RBFOX3: variants seen among roughly 807,000 people sequenced by gnomAD.
RBFOX3 encodes RNA binding protein fox-1 homolog 3.
A neutral mutation model predicts 48.7 loss-of-function variants in RBFOX3; 17 were observed. The ratio of observed to expected loss-of-function variants is 0.35; its 90% CI spans 0.24 to 0.52. The LOEUF (loss-of-function observed/expected upper bound fraction) is 0.52. Ranked by LOEUF, RBFOX3 falls within the 20% of genes least tolerant of loss-of-function variation. The probability of loss-of-function intolerance (pLI) is 0.94; values close to 1 mark genes in which losing one functional copy is unlikely to be tolerated. For synonymous variants in RBFOX3, 212 were observed against 209.5 expected, an observed-to-expected ratio of 1.01 and a Z score of -0.10; for missense variants, 382 against 497.5, an observed-to-expected ratio of 0.77 and a Z score of 2.21.
At chr17:79,228,196 TC>T (rs2087293806) in intron 4 of RBFOX3, among the ~76,000 whole-genome samples, 2 of 152,154 alleles carry the variant, frequency 1.3e-5, no homozygotes. Flanking sequence ...TCGCCTCTCC[TC>T]CCTGGCGCTA....
At chr17:79,300,232 A>T (rs1384449839) in intron 3 of RBFOX3, among the ~76,000 whole-genome samples, 2 of 152,134 alleles carry the variant, frequency 1.3e-5, no homozygotes, top group Non-Finnish European at 2.9e-5. Context: ...TTGGACTTCC[A>T]GCCTCCGGAG....
Position 79,249,552 on chromosome 17 carries a change from G to C in RBFOX3, c.-73-13747C>G, listed in dbSNP as rs541282929. On this transcript the variant is annotated intron_variant, in intron 3 of 14. Coordinates refer to ENST00000693108, the MANE Select transcript of RBFOX3 (RefSeq NM_001350451.2). The surrounding 1 kb of genome is among the most constrained non-coding windows in gnomAD (Gnocchi z 4.1). ...CACCCCAAGCCCCTGCCTCTATCGG[G>C]GTCCCATGCTCCCGGAGACTGTTTA... Among the ~76,000 whole-genome samples, 1 of 151,922 alleles carries C rather than the reference G, an allele frequency of 6.6e-6. No homozygotes were observed. Among genetic ancestry groups the C allele is most frequent in the African/African-American group, 2.4e-5 (1 of 41,346 alleles).
At chr17:79,603,639 C>T (rs1206962281) in intron 1 of RBFOX3, 20 of 152,250 alleles carry the variant, frequency 1.3e-4, no homozygotes, top group African/African-American at 4.6e-4. Context: ...ATTAAAGCAG[C>T]CTCATAATTA....
chr17:79,221,516 C>T (rs548069947), intron 4 of RBFOX3, among the ~76,000 whole-genome samples: 131 of 152,338 alleles, frequency 8.6e-4, no homozygotes, highest in African/African-American at 3.1e-3. Flanking sequence ...CATTGGTGGC[C>T]TCAAGGGCCA....
intron 2 of RBFOX3, among the ~76,000 whole-genome samples, chr17:79,437,193 G>C (rs376199268): frequency 6.6e-6 from 1 of 152,092 alleles, no homozygotes; most frequent in Non-Finnish European, 1.5e-5. Context: ...CCCCCCAGGA[G>C]CCCCCCTGGG....
At position 79,249,290 on chromosome 17, in the gene RBFOX3, G is replaced by A. The variant is rs185721763; in HGVS notation, c.-73-13485C>T. ...ATTCTGGCTAGTGAGATGCTGAGCT[G>A]TGAACAAAGTCAGAGTCCACTCATA... On this transcript the variant is annotated intron_variant, in intron 3 of 14. Coordinates refer to ENST00000693108, the MANE Select transcript of RBFOX3 (RefSeq NM_001350451.2). This position sits in a 1 kb window ranked among gnomAD's most constrained non-coding sequence, Gnocchi z 4.1. Among the ~76,000 whole-genome samples, 44 of 152,274 alleles carry A rather than the reference G, an allele frequency of 2.9e-4. No individual in the cohort carries two copies. The highest frequency in any genetic ancestry group is 5.3e-4 in the Non-Finnish European group (36 of 68,018).
At chr17:79,430,814 G>A (rs1240721403) in intron 2 of RBFOX3, among the ~76,000 whole-genome samples, 1 of 152,150 alleles carries the variant, frequency 6.6e-6, no homozygotes, top group Non-Finnish European at 1.5e-5. Context: ...CAAAGTGCTG[G>A]GATTACAGGC....
chr17:79,117,493 G>A (rs1180104819), intron 4 of RBFOX3, among the ~76,000 whole-genome samples: 2 of 152,208 alleles, frequency 1.3e-5, no homozygotes, highest in Non-Finnish European at 2.9e-5. Flanking sequence ...GGCAGAGGCT[G>A]GGGGCTGCCC....
chr17:79,155,815 G>A (rs1244204523), intron 4 of RBFOX3, among the ~76,000 whole-genome samples: 1 of 152,190 alleles, frequency 6.6e-6, no homozygotes, highest in Non-Finnish European at 1.5e-5. Flanking sequence ...CCAGGTTGGA[G>A]GCACCCCAGA....
rs141685033 is a variant in RBFOX3 at position 79,248,971 on chromosome 17, C to T, written c.-73-13166G>A. ...TGTGGGAGGGCCCCCGCCTGCCACT[C>T]GCCAAGCCCCCATTCTGAGCTGGGA... On this transcript the variant is annotated intron_variant, in intron 3 of 14. Coordinates refer to ENST00000693108, the MANE Select transcript of RBFOX3 (RefSeq NM_001350451.2). 3.7e-3 allele frequency among the ~76,000 whole-genome samples: 557 copies of T among 152,372 alleles called. 6 individuals carry two copies. The highest frequency in any genetic ancestry group is 0.013 in the African/African-American group (538 of 41,596).
chr17:79,612,952 C>T (rs1384484844), upstream of RBFOX3, among the ~76,000 whole-genome samples: 5 of 152,204 alleles, frequency 3.3e-5, no homozygotes, highest in African/African-American at 1.2e-4. Context: ...CTCTCTGGTC[C>T]AGACCCTACT....
intron 4 of RBFOX3, among the ~76,000 whole-genome samples, chr17:79,189,223 C>A (rs974296524): frequency 6.6e-6 from 1 of 152,212 alleles, no homozygotes. Flanking sequence ...ACCTGATCAT[C>A]ACAAGTTAGG....
intron 1 of RBFOX3, among the ~76,000 whole-genome samples, chr17:79,586,629 G>A (rs1301573321): frequency 2.6e-5 from 4 of 152,216 alleles, no homozygotes; most frequent in East Asian, 3.8e-4. Context: ...GGTAGGGCTT[G>A]TAATTGAGCT....
chr17:79,615,284 C>A (rs2093989490), upstream of RBFOX3, among the ~76,000 whole-genome samples: 1 of 151,930 alleles, frequency 6.6e-6, no homozygotes, highest in Admixed American at 6.6e-5. Context: ...GAGATCTCGA[C>A]AAAATTATTT....
rs1353467035 is a variant in RBFOX3, at chr17:79,423,045, G to A, written c.-175+59409C>T. Among the ~76,000 whole-genome samples the A allele has an allele frequency of 2.0e-5, 3 of 152,144 alleles. No individual in the cohort carries two copies. Among genetic ancestry groups the A allele is most frequent in the Non-Finnish European group, 4.4e-5 (3 of 68,020 alleles). ...CACGGGACAGGCCGGCCCCTGCGACGGGACTTCGGGTGCCCCGTGTGCCAC... is the reference window on the plus strand; with the variant it reads ...CACGGGACAGGCCGGCCCCTGCGACAGGACTTCGGGTGCCCCGTGTGCCAC... On this transcript the variant is annotated intron_variant, in intron 2 of 14. Coordinates refer to ENST00000693108, the MANE Select transcript of RBFOX3 (RefSeq NM_001350451.2). This position sits in a 1 kb window ranked among gnomAD's most constrained non-coding sequence, Gnocchi z 4.9.
At chr17:79,448,656 C>T (rs1555739705) in intron 2 of RBFOX3, among the ~76,000 whole-genome samples, 1 of 152,200 alleles carries the variant, frequency 6.6e-6, no homozygotes, top group African/African-American at 2.4e-5. Flanking sequence ...GACTTCATGT[C>T]TGCTGTTTTA....
At chr17:79,650,587 G>A in the RBFOX3 span, among the ~76,000 whole-genome samples, 91 of 152,214 alleles carry the variant, frequency 6.0e-4, 1 homozygote, top group South Asian at 0.019. Context: ...CAGAGCAGGG[G>A]ACAAGCACAG....
At chr17:79,191,904 C>T (rs2054599245) in intron 4 of RBFOX3, among the ~76,000 whole-genome samples, 1 of 152,122 alleles carries the variant, frequency 6.6e-6, no homozygotes, top group Non-Finnish European at 1.5e-5. Flanking sequence ...CTAAGATACA[C>T]CAGGGAAGTT....
intron 4 of RBFOX3, among the ~76,000 whole-genome samples, chr17:79,149,474 A>C (rs1369362972): frequency 6.6e-6 from 1 of 151,864 alleles, no homozygotes; most frequent in Non-Finnish European, 1.5e-5. Flanking sequence ...GCTGGACACG[A>C]GAGTGGACCT....
Sources: allele counts gnomAD v4.1 joint callset (sites outside exome capture counted in the v4.1 genomes callset), GRCh38; gene constraint gnomAD v4.1.1; non-coding constraint Gnocchi (gnomAD v3.1); transcripts MANE v1.5; gene names NCBI Gene and HGNC (gene_info 2026-07-23, HGNC 2026-07-21).